The following STXBP4 variants were observed in gnomAD, a reference collection of about 807,000 sequenced individuals.
STXBP4 encodes syntaxin binding protein 4, also known as syntaxin-binding protein 4.
A neutral mutation model predicts 76.1 loss-of-function variants in STXBP4; 55 were observed. The ratio of observed to expected loss-of-function variants is 0.72; its 90% CI spans 0.58 to 0.91. The LOEUF is 0.91. Among genes scored for constraint, STXBP4 ranks in the 40% least tolerant of loss-of-function variants. The probability of loss-of-function intolerance (pLI) is 0.00; values close to 1 mark genes in which losing one functional copy is unlikely to be tolerated. For synonymous variants in STXBP4, 201 were observed against 220.2 expected (o/e 0.91, Z 0.77); for missense variants, 618 against 636.9 (o/e 0.97, Z 0.32).
rs370547449 is a variant in STXBP4, at chr17:55,000,398, AGT to A, written c.499-405_499-404del. The A allele has an allele frequency of 9.7e-4, 400 of 413,216 alleles. 14 individuals carry two copies. The South Asian group carries it at 0.037, about 38-fold the overall frequency. 25.6% of individuals were successfully genotyped at this position (413,216 alleles called of 1,614,324 possible). ...TGAACAAATTACAGTTACAGAATAAAGTGTGTATTATTTATATCTGTGTTAGC... is the reference window on the plus strand; with the variant it reads ...TGAACAAATTACAGTTACAGAATAAAGTGTATTATTTATATCTGTGTTAGC... On this transcript the variant is annotated intron_variant, in intron 6 of 17. Coordinates refer to ENST00000376352, the MANE Select transcript of STXBP4 (RefSeq NM_178509.6).
chr17:55,051,693 A>G (rs553761094), intron 12 of STXBP4, among the ~76,000 whole-genome samples: 3 of 152,076 alleles, frequency 2.0e-5, no homozygotes, highest in African/African-American at 4.8e-5. Flanking sequence ...ACAGTGTGCT[A>G]TTATGGTGCC....
intron 9 of STXBP4, among the ~76,000 whole-genome samples, chr17:55,032,610 T>TGA (rs1223648834): frequency 2.6e-5 from 4 of 152,186 alleles, no homozygotes; most frequent in Admixed American, 2.0e-4. Context: ...TCTCTGCTCT[T>TGA]TCTCAAGTAG....
intron 10 of STXBP4, among the ~76,000 whole-genome samples, chr17:55,040,049 C>A (rs144176992): frequency 8.5e-5 from 13 of 152,112 alleles, no homozygotes; most frequent in African/African-American, 3.1e-4. Flanking sequence ...CCTCCCAAAC[C>A]CCCTTTCTCC....
chr17:55,134,623 A>T (rs2080008837), intron 16 of STXBP4, among the ~76,000 whole-genome samples: 1 of 152,078 alleles, frequency 6.6e-6, no homozygotes, highest in Admixed American at 6.6e-5. Flanking sequence ...CTCTACATTG[A>T]TTAAATTTAT....
chr17:55,000,766 C>A (rs745334338), intron 6 of STXBP4, 42 bp from the exon 7 acceptor site: 32 of 1,299,104 alleles, frequency 2.5e-5, no homozygotes, highest in Non-Finnish European at 3.5e-5. Context: ...AAGTGACCTA[C>A]TTTAGTAAAT....
At chr17:55,031,368 A>G in intron 9 of STXBP4, 104 bp downstream of exon 9, 19 of 932,472 alleles carry the variant, frequency 2.0e-5, no homozygotes, top group Non-Finnish European at 3.0e-5. Context: ...GAGAGAATGA[A>G]AAGTAAAACT....
In STXBP4 at chr17:55,041,400, T is replaced by C. The variant is rs371806274; in HGVS notation, c.856-1836T>C. 2.9e-4 allele frequency among the ~76,000 whole-genome samples: 44 copies of C among 152,172 alleles called. 1 individual carries two copies. Among genetic ancestry groups the C allele is most frequent in the Middle Eastern group, 6.8e-3 (2 of 294 alleles). On this transcript the variant is annotated intron_variant, in intron 10 of 17. Coordinates refer to ENST00000376352, the MANE Select transcript of STXBP4 (RefSeq NM_178509.6). ...TCTGGCTAATTTTGTTTATTTTTTG[T>C]AGAGACATGGTCTCATTATGTTGCC...
chr17:55,141,925 T>C (rs1451247767), intron 17 of STXBP4, among the ~76,000 whole-genome samples: 1 of 152,162 alleles, frequency 6.6e-6, no homozygotes, highest in Non-Finnish European at 1.5e-5. Flanking sequence ...TTGAGATAAA[T>C]AGGACAGTAT....
chr17:55,081,120 G>A lies in STXBP4; in HGVS notation c.1426G>A (p.Ala476Thr). ...PLGRNGRSIP[A>T]TLALESKELV... ...GGGAAGGAATGGACGTAGCATCCCA[G>A]CAACGCTGGCGCTTGAATCTAAGGA... The change falls in exon 16 of 18, where the codon GCA becomes ACA. Residue 476 changes from alanine (A) to threonine (T), a missense_variant. Coordinates refer to ENST00000376352, the MANE Select transcript of STXBP4 (RefSeq NM_178509.6). 1 of 1,556,460 alleles carries A rather than the reference G, an allele frequency of 6.4e-7. No individual in the cohort carries two copies. Among genetic ancestry groups the A allele is most frequent in the South Asian group, 1.2e-5 (1 of 82,578 alleles).
intron 8 of STXBP4, among the ~76,000 whole-genome samples, chr17:55,019,223 G>T (rs368257778): frequency 2.7e-5 from 4 of 150,412 alleles, no homozygotes; most frequent in Non-Finnish European, 5.9e-5. Context: ...ATTTTATTCC[G>T]CCTTTTTATT....
rs1411643398 is a variant in STXBP4 at position 55,159,910 on chromosome 17, G to C, written c.1661G>C (p.Ter554SerextTer13). Residue 554 changes from the stop codon to serine (S), a stop_lost, in exon 18 of 18, where the codon TGA (stop) becomes TCA (serine). Transcript: ENST00000376352. ...CSRELPNQKS[*>S] ...AGAGAACTCCCCAACCAGAAAAGTT[G>C]ATGGTTTTCCTTAGGAAGTGGAGCT... is the stretch of plus-strand genomic sequence containing the variant. 2.5e-6 allele frequency: 4 copies of C among 1,600,080 alleles called. No homozygotes were observed. Among genetic ancestry groups the C allele is most frequent in the Admixed American group, 3.3e-5 (2 of 59,856 alleles).
intron 12 of STXBP4, among the ~76,000 whole-genome samples, chr17:55,056,836 G>A (rs1377784689): frequency 1.3e-5 from 2 of 151,940 alleles, no homozygotes; most frequent in East Asian, 1.9e-4. Flanking sequence ...GAGAACCCCC[G>A]ACTCTACAAA....
intron 16 of STXBP4, among the ~76,000 whole-genome samples, chr17:55,125,050 C>A (rs1322521597): frequency 3.3e-5 from 5 of 152,120 alleles, no homozygotes; most frequent in African/African-American, 1.2e-4. Flanking sequence ...AGAGCTTTAC[C>A]ATAAGAATTT....
chr17:55,019,709 G>A lies in STXBP4; in HGVS notation c.667-11459G>A, dbSNP rs1049925185. 3.9e-5 allele frequency among the ~76,000 whole-genome samples: 6 copies of A among 152,044 alleles called. No homozygotes were observed. In the South Asian group the frequency reaches 1.2e-3, roughly 32 times the overall value. On this transcript the variant is annotated intron_variant, in intron 8 of 17. Transcript: ENST00000376352. ...CCCCTTTAAATGTTCTTTTGGTATA[G>A]GTTGATAGAAAACTCTCATTTTTTT... is the stretch of plus-strand genomic sequence containing the variant.
intron 16 of STXBP4, among the ~76,000 whole-genome samples, chr17:55,083,613 G>A (rs1326935161): frequency 1.3e-5 from 2 of 152,156 alleles, no homozygotes; most frequent in Non-Finnish European, 2.9e-5. Context: ...TCACGTGGTT[G>A]CAGTCAGATG....
chr17:55,024,373 C>T (rs959021961), intron 8 of STXBP4, among the ~76,000 whole-genome samples: 3 of 152,182 alleles, frequency 2.0e-5, no homozygotes, highest in African/African-American at 7.2e-5. Flanking sequence ...CCTTGTCAGC[C>T]GGTGATAGAA....
chr17:55,052,696 C>T (rs2078873456), intron 12 of STXBP4, among the ~76,000 whole-genome samples: 1 of 151,936 alleles, frequency 6.6e-6, no homozygotes, highest in African/African-American at 2.4e-5. Context: ...AACACCTTGA[C>T]TAAATGTTGC....
At chr17:55,202,281 C>T in the STXBP4 span, among the ~76,000 whole-genome samples, 2 of 152,048 alleles carry the variant, frequency 1.3e-5, no homozygotes, top group African/African-American at 4.8e-5. Context: ...ATATGTTTCT[C>T]ACCCCCAGGT....
chr17:55,017,002 G>C (rs1031900872), intron 8 of STXBP4, among the ~76,000 whole-genome samples: 1 of 152,134 alleles, frequency 6.6e-6, no homozygotes, highest in South Asian at 2.1e-4. Flanking sequence ...TGATAGGAAG[G>C]CTAAGGGTTG....
Sources: allele counts gnomAD v4.1 joint callset (sites outside exome capture counted in the v4.1 genomes callset), GRCh38; gene constraint gnomAD v4.1.1; transcripts MANE v1.5; gene names NCBI Gene and HGNC (gene_info 2026-07-23, HGNC 2026-07-21).